JAK1: variants seen among roughly 807,000 people sequenced by gnomAD.
The protein encoded by JAK1 is tyrosine-protein kinase JAK1.
JAK1 carries 16 observed loss-of-function variants against 136.6 expected under a neutral mutation model. That is an observed-to-expected ratio of 0.12 (90% CI 0.08 to 0.18). The LOEUF is 0.18. JAK1 is among the 10% of genes least tolerant of loss of function. The pLI is 1.00. For missense variants in JAK1, 859 were observed against 1,450.1 expected (o/e 0.59, Z 6.62); for synonymous variants, 492 against 519.5 (o/e 0.95, Z 0.72).
chr1:64,976,276 CT>C (rs910897373), intron 2 of JAK1, among the ~76,000 whole-genome samples: 1 of 152,200 alleles, frequency 6.6e-6, no homozygotes, highest in African/African-American at 2.4e-5. Context: ...AAGTCAGCTC[CT>C]CTGGGTGGTG....
intron 1 of JAK1, among the ~76,000 whole-genome samples, chr1:64,959,778 T>C (rs576305570): frequency 6.6e-6 from 1 of 152,390 alleles, no homozygotes; most frequent in East Asian, 1.9e-4. Context: ...AACTGCCTTC[T>C]TTTTTGATTT....
In JAK1 at chr1:64,869,378, C is replaced by T. The variant is rs1166182040; in HGVS notation, c.580G>A (p.Val194Ile). The T allele has an allele frequency of 6.2e-7, 1 of 1,613,868 alleles. No homozygotes were observed. Among genetic ancestry groups the T allele is most frequent in the Middle Eastern group, 1.7e-4 (1 of 6,058 alleles). ...DIENECLGMA[V>I]LAISHYAMMK... ...ATGGCATAGTGTGAGATGGCCAGGACAGCCATCCCTAGACACTCGTTCTCA... is the reference window on the plus strand; with the variant it reads ...ATGGCATAGTGTGAGATGGCCAGGATAGCCATCCCTAGACACTCGTTCTCA... Residue 194 changes from valine (V) to isoleucine (I), a missense_variant, in exon 6 of 25, where the codon GTC becomes ATC. Val to Ile is a conservative substitution (Grantham distance 29). Transcript: ENST00000342505.
intron 1 of JAK1, among the ~76,000 whole-genome samples, chr1:64,898,060 A>G (rs1000747030): frequency 4.6e-5 from 7 of 151,034 alleles, no homozygotes; most frequent in African/African-American, 1.7e-4. Context: ...CCACCTCGCT[A>G]TACACACATA....
In JAK1 at chr1:64,873,468, G is replaced by A. The variant is rs1205400556; in HGVS notation, c.385C>T (p.His129Tyr). ...CCATTTTTCTGCTTCTTTGGAGAAT[G>A]ACGCCACACTGACTGCTCATTGTCG... ...TNDNEQSVWR[H>Y]SPKKQKNGYE... Residue 129 changes from histidine (H) to tyrosine (Y), a missense_variant, in exon 5 of 25, where the codon CAT becomes TAT. By Grantham distance (83) the His-to-Tyr change is moderately conservative. Transcript: ENST00000342505. The A allele has an allele frequency of 6.2e-7, 1 of 1,614,164 alleles. No homozygotes were observed. The highest frequency in any genetic ancestry group is 1.7e-5 in the Admixed American group (1 of 60,024).
intron 2 of JAK1, among the ~76,000 whole-genome samples, chr1:64,981,605 T>G (rs1007548363): frequency 6.6e-6 from 1 of 152,250 alleles, no homozygotes; most frequent in African/African-American, 2.4e-5. Context: ...AAGAATGCAC[T>G]GAGTATTTAA....
intron 17 of JAK1, among the ~76,000 whole-genome samples, chr1:64,841,853 G>C (rs1654927254): frequency 6.6e-6 from 1 of 152,206 alleles, no homozygotes; most frequent in Non-Finnish European, 1.5e-5. Context: ...GTAAAGGCAT[G>C]CAGCCTTTCT....
intron 1 of JAK1, among the ~76,000 whole-genome samples, chr1:64,931,752 G>T (rs1454031178): frequency 6.6e-6 from 1 of 152,064 alleles, no homozygotes; most frequent in African/African-American, 2.4e-5. Flanking sequence ...ACTATCGGGA[G>T]GCACTCTGGT....
intron 2 of JAK1, chr1:64,972,974 G>T (rs1330027535): frequency 6.6e-6 from 1 of 151,926 alleles, no homozygotes; most frequent in African/African-American, 2.4e-5. Context: ...TTAAAAACTA[G>T]CTGGGCATGG....
Position 64,837,917 on chromosome 1 carries a change from G to A in JAK1, c.3140+15C>T, listed in dbSNP as rs760464234. The A allele has an allele frequency of 2.5e-6, 4 of 1,604,234 alleles. No homozygotes were observed. In the East Asian group the frequency reaches 8.9e-5, roughly 36 times the overall value. On this transcript the variant is annotated intron_variant, in intron 22 of 24. Coordinates refer to ENST00000342505, the MANE Select transcript of JAK1 (RefSeq NM_002227.4). ...TATGAAGCATTGATAAAACCTAGTGGTTTGATTCAGTTACCAAAACACAGG... is the reference window on the plus strand; with the variant it reads ...TATGAAGCATTGATAAAACCTAGTGATTTGATTCAGTTACCAAAACACAGG...
At chr1:64,893,530 C>A (rs1199822589) in intron 1 of JAK1, among the ~76,000 whole-genome samples, 3 of 152,178 alleles carry the variant, frequency 2.0e-5, no homozygotes, top group Non-Finnish European at 4.4e-5. Context: ...AGTTTCTTAA[C>A]CTCTGTTGAG....
At position 64,844,604 on chromosome 1, in the gene JAK1, C is replaced by T. The variant is rs1655108335; in HGVS notation, c.2251+150G>A. On this transcript the variant is annotated intron_variant, in intron 16 of 24. Transcript: ENST00000342505. This position sits in a 1 kb window ranked among gnomAD's most constrained non-coding sequence, Gnocchi z 5.7. The stretch of plus-strand genomic sequence containing the variant: ...TTAAGAGAAGGCAGGAGATCAAGAC[C>T]ATCCTGGCCAACATGGTGAAACCCC... 1 of 911,018 alleles carries T rather than the reference C, an allele frequency of 1.1e-6. No homozygotes were observed. Among genetic ancestry groups the T allele is most frequent in the Non-Finnish European group, 1.6e-6 (1 of 607,844 alleles). The allele number at this position is 911,018 out of a possible 1,614,324, so 56.4% of individuals were successfully genotyped here. A position where few individuals can be genotyped will look rare whatever the true frequency, so the allele number is the denominator to read the frequency against.
At chr1:64,930,264 G>A (rs577662732) in intron 1 of JAK1, among the ~76,000 whole-genome samples, 3 of 152,142 alleles carry the variant, frequency 2.0e-5, no homozygotes, top group East Asian at 3.9e-4. Context: ...CTGACAAAGG[G>A]CTAATATCCA....
intron 1 of JAK1, among the ~76,000 whole-genome samples, chr1:64,943,481 G>GT (rs1201877241): frequency 6.6e-6 from 1 of 152,226 alleles, no homozygotes; most frequent in Non-Finnish European, 1.5e-5. Flanking sequence ...TTTCAAGTTA[G>GT]TGGGGAGATG....
chr1:65,065,995 G>A (rs1648024022), intron 1 of JAK1, among the ~76,000 whole-genome samples: 3 of 151,968 alleles, frequency 2.0e-5, no homozygotes, highest in Admixed American at 6.6e-5. Context: ...GGAAAGGGGG[G>A]CTGGGGACAG....
intron 1 of JAK1, among the ~76,000 whole-genome samples, chr1:64,898,305 G>A (rs1645055485): frequency 6.6e-6 from 1 of 152,092 alleles, no homozygotes; most frequent in African/African-American, 2.4e-5. Context: ...GCTGCCCTTG[G>A]GAGTCACTCT....
chr1:64,879,593 C>T (rs1042416902), intron 3 of JAK1, among the ~76,000 whole-genome samples: 4 of 152,044 alleles, frequency 2.6e-5, no homozygotes, highest in Non-Finnish European at 5.9e-5. Context: ...CTAACACGCT[C>T]GTGATTATAC....
intron 2 of JAK1, among the ~76,000 whole-genome samples, chr1:65,021,769 C>G (rs1646939683): frequency 6.6e-6 from 1 of 152,170 alleles, no homozygotes; most frequent in Non-Finnish European, 1.5e-5. Context: ...TAAGACTTAG[C>G]TTCCATTTCA....
chr1:64,903,514 A>G (rs1645143659), intron 1 of JAK1, among the ~76,000 whole-genome samples: 1 of 152,168 alleles, frequency 6.6e-6, no homozygotes, highest in Non-Finnish European at 1.5e-5. Flanking sequence ...AATGAAAGAT[A>G]CTAGTATTGG....
At chr1:64,913,637 A>AAGGG (rs1388161308) in intron 1 of JAK1, among the ~76,000 whole-genome samples, 16 of 120,200 alleles carry the variant, frequency 1.3e-4, no homozygotes, top group African/African-American at 5.8e-4. Flanking sequence ...GGGAGGGAGG[A>AAGGG]AGGGAGGAAG....
Sources: gnomAD v4.1 joint callset for allele counts (sites outside exome capture counted in the v4.1 genomes callset) on GRCh38, gnomAD v4.1.1 for gene constraint, Gnocchi (gnomAD v3.1) non-coding constraint, MANE v1.5 for transcripts, NCBI Gene and HGNC (gene_info 2026-07-23, HGNC 2026-07-21) for gene names.